The following EPB41L1 variants were observed in gnomAD, a reference collection of about 807,000 sequenced individuals.
EPB41L1 encodes the protein band 4.1-like protein 1.
Under a neutral mutation model 97.8 loss-of-function variants are expected in EPB41L1, and 29 were observed. The ratio of observed to expected loss-of-function variants is 0.30; its 90% CI spans 0.22 to 0.40. The LOEUF (loss-of-function observed/expected upper bound fraction) is 0.40. Ranked by LOEUF, EPB41L1 falls within the 10% of genes least tolerant of loss-of-function variation. The pLI is 1.00. For missense variants in EPB41L1, 812 were observed against 1,162.3 expected, an observed-to-expected ratio of 0.70 and a Z score of 4.38; for synonymous variants, 383 against 459.2, an observed-to-expected ratio of 0.83 and a Z score of 2.12.
At chr20:36,179,236 A>T (rs954794274) in intron 5 of EPB41L1, among the ~76,000 whole-genome samples, 3 of 152,138 alleles carry the variant, frequency 2.0e-5, no homozygotes, top group South Asian at 4.1e-4. Context: ...TAGCAGAGGA[A>T]TCATAAATAC....
Position 36,179,920 on chromosome 20 carries a change from GC to G in EPB41L1, c.490+1250del, listed in dbSNP as rs561768760. ...TTCAGGCTGTCCCCCAGGAGCCCCAGCCTGGCTGGGAGGCCTGTCTCTCATG... is the reference window on the plus strand; with the variant it reads ...TTCAGGCTGTCCCCCAGGAGCCCCAGCTGGCTGGGAGGCCTGTCTCTCATG... On this transcript the variant is annotated intron_variant, in intron 5 of 21. Transcript: ENST00000338074. Among the ~76,000 whole-genome samples, 282 of 152,352 alleles carry G rather than the reference GC, an allele frequency of 1.9e-3. 1 individual carries two copies. The highest frequency in any genetic ancestry group is 3.5e-3 in the Non-Finnish European group (241 of 68,020).
rs1381437010 is a variant in EPB41L1 at position 36,198,038 on chromosome 20, T to C, written c.1665T>C (p.Asn555=). 6.8e-7 allele frequency: 1 copy of C among 1,473,090 alleles called. No homozygotes were observed. Among genetic ancestry groups the C allele is most frequent in the African/African-American group, 1.4e-5 (1 of 69,716 alleles). The allele number at this position is 1,473,090 out of a possible 1,614,324, so 91.3% of individuals were successfully genotyped here. ...CCAAGGGCACCCCTGAGAAAGCCAA[T>C]GAGGTAGGTGTCGCCCTGAACCCCT... The part of the protein sequence containing the change: ...PSPKGTPEKA[N]ERAGLREGSE... The change falls in exon 14 of 22, where the codon AAT becomes AAC. Residue 555 remains asparagine, a synonymous_variant. Transcript: ENST00000338074.
At chr20:36,155,556 G>A (rs115130420) in intron 1 of EPB41L1, 4 of 455,908 alleles carry the variant, frequency 8.8e-6, no homozygotes, top group Non-Finnish European at 1.8e-5. Flanking sequence ...CTCAGGGATG[G>A]GCATGGGGGG....
At chr20:36,135,090 T>A (rs2059368493) in intron 2 of EPB41L1, among the ~76,000 whole-genome samples, 2 of 152,114 alleles carry the variant, frequency 1.3e-5, no homozygotes. Flanking sequence ...CTCAAACTCC[T>A]GGCCTCAAGT....
At position 36,173,856 on chromosome 20, in the gene EPB41L1, G is replaced by A. The variant is rs111421912; in HGVS notation, c.79G>A (p.Ala27Thr). 3.8e-5 allele frequency: 62 copies of A among 1,613,780 alleles called. No homozygotes were observed. The highest frequency in any genetic ancestry group is 6.7e-5 in the Admixed American group (4 of 59,972). The change falls in exon 2 of 22, where the codon GCT becomes ACT. Residue 27 changes from alanine to threonine, a missense_variant. This residue lies in a region of EPB41L1 where 84 missense variants were observed against 94.3 expected (regional missense o/e 0.89). Transcript: ENST00000338074. The stretch of plus-strand genomic sequence containing the variant: ...CCCGCAGCAGCCCGAGGCTGCTGCC[G>A]CTGTGACCACCCCTGTGACCCCTGC... ...EAPQQPEAAA[A>T]VTTPVTPAGH...
At chr20:36,134,584 T>C (rs1324422308) in intron 2 of EPB41L1, among the ~76,000 whole-genome samples, 1 of 152,214 alleles carries the variant, frequency 6.6e-6, no homozygotes, top group Non-Finnish European at 1.5e-5. Context: ...TTGCTTGGAC[T>C]GTGTCCCACT....
chr20:36,099,574 G>C (rs74893061), intron 1 of EPB41L1, among the ~76,000 whole-genome samples: 1 of 152,012 alleles, frequency 6.6e-6, no homozygotes, highest in Non-Finnish European at 1.5e-5. Context: ...AGCCCAGCCC[G>C]CTCCTCTCCT....
At position 36,209,811 on chromosome 20, in the gene EPB41L1, G is replaced by A. The variant is rs1357952906; in HGVS notation, c.1992G>A (p.Gly664=). Residue 664 remains glycine, a synonymous_variant, in exon 15 of 22, where the codon GGG becomes GGA. Coordinates refer to ENST00000338074, the MANE Select transcript of EPB41L1 (RefSeq NM_012156.2). This position sits in a 1 kb window ranked among gnomAD's most constrained non-coding sequence, Gnocchi z 4.2. ...TGTTCTCCCGGGATCTCAACAAGGGGGCCCCCAGCCAGGATGATGAGTCTG... is the reference window on the plus strand; with the variant it reads ...TGTTCTCCCGGGATCTCAACAAGGGAGCCCCCAGCCAGGATGATGAGTCTG... ...GLLFSRDLNK[G]APSQDDESGG... 6.2e-7 allele frequency: 1 copy of A among 1,613,520 alleles called. No individual in the cohort carries two copies. The highest frequency in any genetic ancestry group is 2.2e-5 in the East Asian group (1 of 44,874).
intron 1 of EPB41L1, among the ~76,000 whole-genome samples, chr20:36,159,219 CT>C (rs1029837464): frequency 1.3e-5 from 2 of 152,162 alleles, no homozygotes; most frequent in African/African-American, 2.4e-5. Context: ...TGGGTAGCAT[CT>C]TTTTTGCACA....
rs1315637886 is a variant in EPB41L1, at chr20:36,195,477, T to C, written c.1485+113T>C. 2.4e-5 allele frequency: 30 copies of C among 1,252,128 alleles called. No individual in the cohort carries two copies. Among genetic ancestry groups the C allele is most frequent in the Non-Finnish European group, 3.2e-5 (28 of 863,922 alleles). The allele number at this position is 1,252,128 out of a possible 1,614,324, so 77.6% of individuals were successfully genotyped here. A position where few individuals can be genotyped will look rare whatever the true frequency, so the allele number is the denominator to read the frequency against. On this transcript the variant is annotated intron_variant, in intron 13 of 21. Coordinates refer to ENST00000338074, the MANE Select transcript of EPB41L1 (RefSeq NM_012156.2). The surrounding 1 kb of genome is among the most constrained non-coding windows in gnomAD (Gnocchi z 4.6). Reference sequence around the variant, plus strand: ...TCCCTGGCACCATCTCAGCTTCAACTTCATCTCTGCTCCCCAGCCATCCCC... The same window carrying C: ...TCCCTGGCACCATCTCAGCTTCAACCTCATCTCTGCTCCCCAGCCATCCCC...
intron 2 of EPB41L1, among the ~76,000 whole-genome samples, chr20:36,145,621 A>G (rs1600571570): frequency 6.6e-6 from 1 of 152,254 alleles, no homozygotes; most frequent in East Asian, 1.9e-4. Context: ...GCCCAGCTCT[A>G]ATTATGCCTC....
intron 2 of EPB41L1, among the ~76,000 whole-genome samples, chr20:36,134,754 C>T (rs750588591): frequency 6.6e-6 from 1 of 151,718 alleles, no homozygotes; most frequent in Non-Finnish European, 1.5e-5. Flanking sequence ...CTGCATTGGT[C>T]TCAGGTAGGC....
chr20:36,142,308 AAC>A (rs2059671449), intron 2 of EPB41L1, among the ~76,000 whole-genome samples: 1 of 152,132 alleles, frequency 6.6e-6, no homozygotes, highest in Non-Finnish European at 1.5e-5. Context: ...CTATTTTTAT[AAC>A]GTAGCCACTA....
intron 1 of EPB41L1, among the ~76,000 whole-genome samples, chr20:36,156,278 C>T (rs1419763463): frequency 6.6e-6 from 1 of 152,226 alleles, no homozygotes; most frequent in Non-Finnish European, 1.5e-5. Context: ...CACCTCAAGG[C>T]AGTCCTGGAG....
chr20:36,175,071 G>T (rs144624445), intron 2 of EPB41L1, among the ~76,000 whole-genome samples: 18 of 152,300 alleles, frequency 1.2e-4, no homozygotes, highest in Non-Finnish European at 2.2e-4. Flanking sequence ...ATCACTGAGG[G>T]CATCAGCAGT....
At chr20:36,217,349 C>T (rs918937601) in intron 17 of EPB41L1, among the ~76,000 whole-genome samples, 4 of 152,096 alleles carry the variant, frequency 2.6e-5, no homozygotes, top group African/African-American at 9.7e-5. Flanking sequence ...GCCCAGAGAG[C>T]GGGTGGCAAG....
At chr20:36,152,933 G>A (rs1206067011), upstream of EPB41L1, 2 of 455,342 alleles carry the variant, frequency 4.4e-6, no homozygotes, top group African/African-American at 2.0e-5. Context: ...GTCGGCCTGG[G>A]CAGATTTGTC....
intron 9 of EPB41L1, among the ~76,000 whole-genome samples, chr20:36,189,913 A>G (rs1261401606): frequency 1.3e-5 from 2 of 152,180 alleles, no homozygotes; most frequent in African/African-American, 4.8e-5. Context: ...GTTCAGAAAG[A>G]ATGACTCACG....
chr20:36,165,426 T>C (rs888732752), intron 1 of EPB41L1, among the ~76,000 whole-genome samples: 1 of 150,350 alleles, frequency 6.7e-6, no homozygotes, highest in East Asian at 2.0e-4. Context: ...TGGCTGGGTG[T>C]GGTGGCTCAC....
Sources: allele counts gnomAD v4.1 joint callset (sites outside exome capture counted in the v4.1 genomes callset), GRCh38; gene constraint gnomAD v4.1.1; regional missense constraint gnomAD v4.1.1; non-coding constraint Gnocchi (gnomAD v3.1); transcripts MANE v1.5; gene names NCBI Gene and HGNC (gene_info 2026-07-23, HGNC 2026-07-21).